ANKRD24: variants seen among roughly 807,000 people sequenced by gnomAD.
ANKRD24 encodes the protein ankyrin repeat domain-containing protein 24.
Under a neutral mutation model 127.8 loss-of-function variants are expected in ANKRD24, and 109 were observed. The observed-to-expected ratio is 0.85, with a 90% CI of 0.73 to 1.00. The LOEUF (loss-of-function observed/expected upper bound fraction) is 1.00. Ranked by LOEUF, ANKRD24 falls within the 50% of genes least tolerant of loss-of-function variation. The pLI, the probability that ANKRD24 is intolerant of heterozygous loss-of-function variation, is 0.00. For synonymous variants in ANKRD24, 743 were observed against 671.1 expected, an observed-to-expected ratio of 1.11 and a Z score of -1.66; for missense variants, 1,648 against 1,570.2, an observed-to-expected ratio of 1.05 and a Z score of -0.84.
rs762132465 is a variant in ANKRD24, at chr19:4,224,117, A to G, written c.3298-10A>G. Reference sequence around the variant, plus strand: ...CTGCTCTTCTGAGCGCCCCTTCCTCATGCCCACAGGAAGCTGCCAGGGACC... The same window carrying G: ...CTGCTCTTCTGAGCGCCCCTTCCTCGTGCCCACAGGAAGCTGCCAGGGACC... On this transcript the variant is annotated splice_polypyrimidine_tract_variant and intron_variant, in intron 20 of 21. Coordinates refer to ENST00000318934, the MANE Select transcript of ANKRD24 (RefSeq NM_001393985.1). 1.2e-6 allele frequency: 2 copies of G among 1,611,656 alleles called. No homozygotes were observed. The highest frequency in any genetic ancestry group is 1.1e-5 in the South Asian group (1 of 90,848).
rs529890025 is a variant in ANKRD24, at chr19:4,187,352, G to T, written c.36+891G>T. Among the ~76,000 whole-genome samples, 4 of 152,142 alleles carry T rather than the reference G, an allele frequency of 2.6e-5. No homozygotes were observed. In the East Asian group the frequency reaches 7.7e-4, roughly 29 times the overall value. On this transcript the variant is annotated intron_variant, in intron 2 of 21. Transcript: ENST00000318934. ...TGCTTGAACCTGGGAGGTGGAGGTT[G>T]CAGTGAGCTGAGATTGTGCCATTGC...
rs1304707479 is a variant in ANKRD24 at position 4,186,419 on chromosome 19, A to G, written c.-7A>G. 3.2e-6 allele frequency: 5 copies of G among 1,587,182 alleles called. No homozygotes were observed. The highest frequency in any genetic ancestry group is 2.3e-5 in the East Asian group (1 of 43,332). On this transcript the variant is annotated 5_prime_UTR_variant, in exon 2 of 22. Transcript: ENST00000318934. The stretch of plus-strand genomic sequence containing the variant: ...CCTGTGGAGAGGAGAAACACAGGGC[A>G]CCAACTATGAAGACTCTCAGGGCGC...
At chr19:4,207,117 C>A in intron 7 of ANKRD24, 125 bp from the exon 8 acceptor site, 1 of 594,410 alleles carries the variant, frequency 1.7e-6, no homozygotes, top group Middle Eastern at 4.6e-4. Context: ...GAGACAGGGT[C>A]TCACTGTGTT....
chr19:4,217,578 G>A lies in ANKRD24; in HGVS notation c.2418G>A (p.Arg806=). 2.3e-6 allele frequency: 3 copies of A among 1,311,014 alleles called. No individual in the cohort carries two copies. The highest frequency in any genetic ancestry group is 2.9e-6 in the Non-Finnish European group (3 of 1,034,792). 81.2% of individuals were successfully genotyped at this position (1,311,014 alleles called of 1,614,324 possible). A position where few individuals can be genotyped will look rare whatever the true frequency, so the allele number is the denominator to read the frequency against. Residue 806 remains arginine, a synonymous_variant, in exon 18 of 22, where the codon CGG becomes CGA. Transcript: ENST00000318934. ...TCCGAGACCGGGACTCCCGCCTGCG[G>A]GAGCTGGAGGCGGCCTCGGCCTGCC... ...EDLRDRDSRL[R]ELEAASACLD...
chr19:4,213,901 C>CT (rs1374276832), intron 15 of ANKRD24, among the ~76,000 whole-genome samples: 3 of 152,278 alleles, frequency 2.0e-5, no homozygotes, highest in Non-Finnish European at 2.9e-5. Context: ...TCCCAAAGTG[C>CT]TGGGATTACA....
In ANKRD24 at chr19:4,186,462, G is replaced by T. The variant is rs754677400; in HGVS notation, c.36+1G>T. The T allele has an allele frequency of 6.3e-7, 1 of 1,592,326 alleles. No individual in the cohort carries two copies. The highest frequency in any genetic ancestry group is 8.6e-7 in the Non-Finnish European group (1 of 1,169,430). ...CAGGGCGCGATTTAAGAAGACAGAG[G>T]TGAGTGTGAGGCCCTAGATGCCCGA... On this transcript the variant is annotated splice_donor_variant, in intron 2 of 21. Transcript: ENST00000318934. LOFTEE classifies it high-confidence loss of function.
intron 18 of ANKRD24, 66 bp downstream of exon 18, chr19:4,218,229 C>G (rs1970240230): frequency 7.3e-7 from 1 of 1,374,050 alleles, no homozygotes; most frequent in African/African-American, 1.5e-5. Context: ...GTTTTAGCCC[C>G]GCAGCCTTGA....
chr19:4,224,320 C>G (rs1053064731), intron 21 of ANKRD24, 108 bp from the exon 22 acceptor site: 4 of 1,423,806 alleles, frequency 2.8e-6, no homozygotes, highest in Middle Eastern at 1.8e-4. Flanking sequence ...TGGGAGCCCC[C>G]CTGTGTGCAT....
Position 4,217,054 on chromosome 19 carries a change from ACCACGGGAGTGGAGG to A in ANKRD24, c.1898_1912del (p.Thr633_Ala637del), listed in dbSNP as rs752147848. 2 of 1,613,868 alleles carry A rather than the reference ACCACGGGAGTGGAGG, an allele frequency of 1.2e-6. No homozygotes were observed. The highest frequency in any genetic ancestry group is 1.7e-6 in the Non-Finnish European group (2 of 1,179,884). On this transcript the variant is annotated inframe_deletion, in exon 18 of 22. Coordinates refer to ENST00000318934, the MANE Select transcript of ANKRD24 (RefSeq NM_001393985.1). ...AGGAGCTCAGGCCACAGACACAGAG[ACCACGGGAGTGGAGG>A]CCATGGGGGTGGAGGCCACAAAAAC...
intron 2 of ANKRD24, among the ~76,000 whole-genome samples, chr19:4,197,771 G>C (rs1272235517): frequency 6.6e-6 from 1 of 152,166 alleles, no homozygotes; most frequent in Admixed American, 6.6e-5. Flanking sequence ...GTGAATGAAC[G>C]AATGAACAAG....
rs1489794470 is a variant in ANKRD24, at chr19:4,195,084, G to GTTTGTTTGTTTT, written c.37-4596_37-4595insGTTTGTTTTTTT. On this transcript the variant is annotated intron_variant, in intron 2 of 21. Coordinates refer to ENST00000318934, the MANE Select transcript of ANKRD24 (RefSeq NM_001393985.1). This position sits in a 1 kb window ranked among gnomAD's most constrained non-coding sequence, Gnocchi z 4.2. ...TTTTTGTTTGTTTGTTTGTTTGTTT[G>GTTTGTTTGTTTT]TTTTTAGAGAGGGAGTCTCACTCTG... Among the ~76,000 whole-genome samples the GTTTGTTTGTTTT allele has an allele frequency of 6.6e-6, 1 of 151,770 alleles. No individual in the cohort carries two copies. The highest frequency in any genetic ancestry group is 6.6e-5 in the Admixed American group (1 of 15,202).
At chr19:4,200,254 G>T in intron 5 of ANKRD24, 83 bp downstream of exon 5, 5 of 1,395,996 alleles carry the variant, frequency 3.6e-6, no homozygotes, top group Non-Finnish European at 3.9e-6. Flanking sequence ...CCTGCTCCCA[G>T]GTCTCAATGT....
chr19:4,188,999 A>G (rs1968222200), intron 2 of ANKRD24, among the ~76,000 whole-genome samples: 1 of 151,590 alleles, frequency 6.6e-6, no homozygotes, highest in South Asian at 2.1e-4. Flanking sequence ...TAGTAGAGAC[A>G]GGGTTTCACT....
chr19:4,223,667 C>T (rs1224565607), intron 20 of ANKRD24, among the ~76,000 whole-genome samples: 2 of 151,926 alleles, frequency 1.3e-5, no homozygotes, highest in East Asian at 1.9e-4. Flanking sequence ...CGGGTTCAAG[C>T]GATTCTCCTG....
At chr19:4,208,099 T>C in intron 10 of ANKRD24, 131 bp downstream of exon 10, 1 of 984,160 alleles carries the variant, frequency 1.0e-6, no homozygotes, top group Non-Finnish European at 1.4e-6. Flanking sequence ...GCTTACCCAA[T>C]TCTACTCAGA....
At chr19:4,184,496 G>A (rs1029425874) in intron 1 of ANKRD24, among the ~76,000 whole-genome samples, 2 of 152,192 alleles carry the variant, frequency 1.3e-5, no homozygotes, top group Admixed American at 6.5e-5. Context: ...CCTGTGCCCT[G>A]CCTAGCTTCC....
chr19:4,204,686 C>G (rs1465224747), intron 7 of ANKRD24, among the ~76,000 whole-genome samples: 1 of 152,218 alleles, frequency 6.6e-6, no homozygotes, highest in East Asian at 1.9e-4. Context: ...GCTGACGACT[C>G]AAGAAACATC....
chr19:4,195,765 G>A lies in ANKRD24; in HGVS notation c.37-3918G>A, dbSNP rs780331083. On this transcript the variant is annotated intron_variant, in intron 2 of 21. Coordinates refer to ENST00000318934, the MANE Select transcript of ANKRD24 (RefSeq NM_001393985.1). The surrounding 1 kb of genome is among the most constrained non-coding windows in gnomAD (Gnocchi z 4.2). ...AAAAATTCGCTAGGCGTGGTGGCGTGTGCCTGTAATCCCAGCTACTCGGGA... is the reference window on the plus strand; with the variant it reads ...AAAAATTCGCTAGGCGTGGTGGCGTATGCCTGTAATCCCAGCTACTCGGGA... Among the ~76,000 whole-genome samples the A allele has an allele frequency of 6.6e-6, 1 of 152,162 alleles. No homozygotes were observed. Among genetic ancestry groups the A allele is most frequent in the Non-Finnish European group, 1.5e-5 (1 of 68,042 alleles).
chr19:4,188,930 T>C (rs1014209865), intron 2 of ANKRD24, among the ~76,000 whole-genome samples: 2 of 152,014 alleles, frequency 1.3e-5, no homozygotes, highest in Non-Finnish European at 2.9e-5. Context: ...GCCTCAGCCT[T>C]CCAAATAGCT....
Sources: gnomAD v4.1 joint callset for allele counts (sites outside exome capture counted in the v4.1 genomes callset) on GRCh38, gnomAD v4.1.1 for gene constraint, Gnocchi (gnomAD v3.1) non-coding constraint, MANE v1.5 for transcripts, NCBI Gene and HGNC (gene_info 2026-07-23, HGNC 2026-07-21) for gene names.